The following MISFA variants were observed in gnomAD, a reference collection of about 807,000 sequenced individuals.
The protein encoded by MISFA is mitochondrial sheath formation-associated protein.
At chr11:18,599,852 C>T in the MISFA span, 27 of 397,808 alleles carry the variant, frequency 6.8e-5, no homozygotes, top group African/African-American at 3.1e-4. Context: ...GTTTCGTGAG[C>T]GCACTCCTTT....
chr11:18,603,304 T>C, the MISFA span: 1 of 397,376 alleles, frequency 2.5e-6, no homozygotes, highest in Non-Finnish European at 4.4e-6. Flanking sequence ...AAACAAATAC[T>C]TTTATTATTT....
the MISFA span, among the ~76,000 whole-genome samples, chr11:18,605,666 T>G: frequency 6.6e-6 from 1 of 152,216 alleles, no homozygotes; most frequent in Non-Finnish European, 1.5e-5. Context: ...TTACATCCTC[T>G]GGCTGTATAG....
chr11:18,607,930 A>T, the MISFA span: 8 of 152,182 alleles, frequency 5.3e-5, no homozygotes, highest in African/African-American at 1.9e-4. Context: ...AGCCACCAGA[A>T]ATCTTTCAGC....
the MISFA span, chr11:18,606,610 T>C: frequency 2.8e-6 from 1 of 351,160 alleles, no homozygotes. Context: ...TCACTCTTAA[T>C]CATACACTAA....
At chr11:18,600,849 C>T in the MISFA span, among the ~76,000 whole-genome samples, 3 of 151,864 alleles carry the variant, frequency 2.0e-5, no homozygotes, top group East Asian at 1.9e-4. Context: ...TTTTTTGTTT[C>T]CCCCTCCCTT....
chr11:18,606,559 A>G, the MISFA span: 94 of 260,302 alleles, frequency 3.6e-4, no homozygotes, highest in South Asian at 3.4e-3. Flanking sequence ...CCATTGTGTA[A>G]AAGACAGGAT....
the MISFA span, chr11:18,603,699 G>A: frequency 2.5e-6 from 1 of 398,634 alleles, no homozygotes; most frequent in South Asian, 1.3e-4. Context: ...TTGCCTGGGA[G>A]GCCAAATGCC....
the MISFA span, chr11:18,603,279 C>G: frequency 1.0e-5 from 4 of 398,610 alleles, no homozygotes; most frequent in African/African-American, 8.2e-5. Context: ...GAAAATCCAA[C>G]TCTAGTAACA....
chr11:18,608,698 A>T, the MISFA span: 1 of 152,508 alleles, frequency 6.6e-6, no homozygotes, highest in African/African-American at 2.4e-5. Context: ...TATTAAGTCC[A>T]TATTTATGAC....
chr11:18,607,509 GAATT>G, the MISFA span: 1 of 152,598 alleles, frequency 6.6e-6, no homozygotes, highest in African/African-American at 2.4e-5. Flanking sequence ...TTCAAATGTT[GAATT>G]AAGAAAATCC....
the MISFA span, chr11:18,607,470 C>T: frequency 4.6e-5 from 7 of 152,544 alleles, no homozygotes; most frequent in Non-Finnish European, 7.4e-5. Context: ...TTACTACATT[C>T]GTGATTAACA....
the MISFA span, chr11:18,601,043 G>GGCCAATGAGTAGAGCCATCTGAGTAGA: frequency 2.5e-6 from 1 of 398,520 alleles, no homozygotes; most frequent in Non-Finnish European, 4.4e-6. Flanking sequence ...TTACCCACTG[G>GGCCAATGAGTAGAGCCATCTGAGTAGA]GCCAATGAGT....
the MISFA span, chr11:18,609,598 A>C: frequency 8.6e-6 from 4 of 465,366 alleles, no homozygotes; most frequent in African/African-American, 2.0e-5. Flanking sequence ...TGCATAGCTC[A>C]TCAGGATCAA....
At chr11:18,607,519 A>C in the MISFA span, 1 of 152,662 alleles carries the variant, frequency 6.6e-6, no homozygotes, top group Non-Finnish European at 1.5e-5. Flanking sequence ...GAATTAAGAA[A>C]ATCCAAAAAT....
chr11:18,609,811 A>C, the MISFA span: 2 of 1,571,524 alleles, frequency 1.3e-6, no homozygotes, highest in Non-Finnish European at 1.7e-6. Flanking sequence ...GAAGGCAGGA[A>C]ATCCTTGCAG....
the MISFA span, among the ~76,000 whole-genome samples, chr11:18,605,167 G>A: frequency 6.6e-6 from 1 of 151,956 alleles, no homozygotes; most frequent in Admixed American, 6.6e-5. Context: ...TTGAACCCGG[G>A]AGGTGGGGGT....
chr11:18,609,379 G>A, the MISFA span: 1 of 156,070 alleles, frequency 6.4e-6, no homozygotes, highest in South Asian at 1.9e-4. Flanking sequence ...TCAATCCATA[G>A]ATTAGGACAA....
At chr11:18,605,850 G>C in the MISFA span, among the ~76,000 whole-genome samples, 2 of 152,076 alleles carry the variant, frequency 1.3e-5, no homozygotes, top group African/African-American at 2.4e-5. Flanking sequence ...CCACATTTTT[G>C]TATTTTTAGT....
chr11:18,608,933 T>C, the MISFA span: 2 of 149,856 alleles, frequency 1.3e-5, no homozygotes. Context: ...AAGTCATTAA[T>C]GTCAAGAGGT....
Sources: allele counts gnomAD v4.1 joint callset (sites outside exome capture counted in the v4.1 genomes callset), GRCh38; gene constraint gnomAD v4.1.1; transcripts MANE v1.5; gene names NCBI Gene and HGNC (gene_info 2026-07-23, HGNC 2026-07-21).